NLRP7: variants seen among roughly 807,000 people sequenced by gnomAD.
The protein encoded by NLRP7 is NLR family pyrin domain containing 7.
Under a neutral mutation model 85.5 loss-of-function variants are expected in NLRP7, and 72 were observed. The observed-to-expected ratio is 0.84, with a 90% CI of 0.70 to 1.02. NLRP7 has a LOEUF of 1.02. Among genes scored for constraint, NLRP7 ranks in the 50% least tolerant of loss-of-function variants. The probability of loss-of-function intolerance (pLI) is 0.00; values close to 1 mark genes in which losing one functional copy is unlikely to be tolerated. For synonymous variants in NLRP7, 550 were observed against 505.2 expected (o/e 1.09, Z -1.19); for missense variants, 1,243 against 1,219.5 (o/e 1.02, Z -0.29).
chr19:54,953,427 A>T (rs889938773), intron 1 of NLRP7: 1 of 151,988 alleles, frequency 6.6e-6, no homozygotes, highest in Non-Finnish European at 1.5e-5. Flanking sequence ...CAGGATAGGG[A>T]TTTTCACAGT....
chr19:54,934,059 T>C lies in NLRP7; in HGVS notation c.2472-320A>G, dbSNP rs1402458254. On this transcript the variant is annotated intron_variant, in intron 7 of 9. Transcript: ENST00000340844. This position sits in a 1 kb window ranked among gnomAD's most constrained non-coding sequence, Gnocchi z 6.7. The stretch of plus-strand genomic sequence containing the variant: ...CCCAGGTTTACACCATTCTGCTGAC[T>C]CAGCCTCCTGAGTAGCTGGGACTAC... 6.6e-6 allele frequency among the ~76,000 whole-genome samples: 1 copy of C among 152,172 alleles called. No homozygotes were observed. Among genetic ancestry groups the C allele is most frequent in the Non-Finnish European group, 1.5e-5 (1 of 68,028 alleles).
intron 1 of NLRP7, among the ~76,000 whole-genome samples, chr19:54,961,603 G>A (rs1054932261): frequency 1.3e-5 from 2 of 152,062 alleles, no homozygotes; most frequent in South Asian, 2.1e-4. Flanking sequence ...TTGGGAAGCC[G>A]AGGCAGGTGG....
chr19:54,952,616 C>G (rs2069706966), intron 1 of NLRP7, among the ~76,000 whole-genome samples: 1 of 151,784 alleles, frequency 6.6e-6, no homozygotes, highest in African/African-American at 2.4e-5. Flanking sequence ...AACCCTAGAC[C>G]CAAACTTCTG....
At chr19:54,955,321 C>T (rs1033097081) in intron 1 of NLRP7, among the ~76,000 whole-genome samples, 10 of 151,820 alleles carry the variant, frequency 6.6e-5, no homozygotes, top group Admixed American at 4.6e-4. Context: ...AAGAGTGAAA[C>T]TCCGTCTCAA....
chr19:54,962,813 A>G (rs940277161), intron 1 of NLRP7, among the ~76,000 whole-genome samples: 2 of 145,048 alleles, frequency 1.4e-5, no homozygotes. Context: ...GTTAGCCAGG[A>G]TGGTCTCCAT....
At chr19:54,940,390 A>G (rs756373768) in exon 4 of NLRP7, 1 of 1,614,060 alleles carries the variant, frequency 6.2e-7, no homozygotes, top group South Asian at 1.1e-5. Context: ...GGAAATTGTC[A>G]ATGTCTCCTT....
At chr19:54,937,900 C>CAA (rs59058059) in intron 5 of NLRP7, 144 bp downstream of exon 5, 21,287 of 498,292 alleles carry the variant, frequency 0.043, 380 homozygotes, top group African/African-American at 0.17. Flanking sequence ...TCCGTCTCAC[C>CAA]AAAAAAAAAA....
At chr19:54,928,589 T>C (rs1036390064) in intron 9 of NLRP7, among the ~76,000 whole-genome samples, 29 of 152,038 alleles carry the variant, frequency 1.9e-4, no homozygotes, top group African/African-American at 7.0e-4. Flanking sequence ...CAGAGAGGCA[T>C]TGATTGGCTA....
intron 4 of NLRP7, 130 bp downstream of exon 4, chr19:54,938,758 G>T: frequency 2.0e-6 from 2 of 1,011,842 alleles, no homozygotes; most frequent in East Asian, 4.7e-5. Flanking sequence ...TAATTGCCAA[G>T]TCGTGTCTCC....
exon 4 of NLRP7, chr19:54,939,751 C>T: frequency 5.0e-6 from 8 of 1,613,694 alleles, no homozygotes; most frequent in Non-Finnish European, 5.9e-6. Context: ...CCAGCTGGAA[C>T]AGGGCCGCGT....
At chr19:54,962,264 C>T (rs2070068648) in intron 1 of NLRP7, among the ~76,000 whole-genome samples, 1 of 147,130 alleles carries the variant, frequency 6.8e-6, no homozygotes, top group Non-Finnish European at 1.5e-5. Context: ...CCCTCCATCC[C>T]TCAATTTTTT....
intron 1 of NLRP7, among the ~76,000 whole-genome samples, chr19:54,945,481 G>A (rs1178182426): frequency 1.3e-5 from 2 of 151,754 alleles, no homozygotes; most frequent in African/African-American, 4.8e-5. Flanking sequence ...TGTTGGCCAG[G>A]CTGGTCTTGA....
intron 8 of NLRP7, among the ~76,000 whole-genome samples, chr19:54,930,909 G>A (rs1222429921): frequency 6.6e-6 from 1 of 152,082 alleles, no homozygotes; most frequent in Non-Finnish European, 1.5e-5. Flanking sequence ...TGTAGTGCCA[G>A]CTACTCAGAA....
chr19:54,926,728 C>T (rs1028325182), intron 9 of NLRP7, among the ~76,000 whole-genome samples: 2 of 152,028 alleles, frequency 1.3e-5, no homozygotes, highest in Non-Finnish European at 2.9e-5. Context: ...CCAGCCTGGC[C>T]AACATGGCAA....
intron 8 of NLRP7, among the ~76,000 whole-genome samples, chr19:54,931,715 C>T (rs1457579515): frequency 1.3e-5 from 2 of 150,218 alleles, no homozygotes; most frequent in South Asian, 4.2e-4. Flanking sequence ...CCAGGTGTGG[C>T]GGCCCATGCC....
At position 54,940,231 on chromosome 19, in the gene NLRP7, T is replaced by C. The variant is rs370807866; in HGVS notation, c.588A>G (p.Thr196=). The C allele has an allele frequency of 1.7e-5, 27 of 1,614,066 alleles. No individual in the cohort carries two copies. In the African/African-American group the frequency reaches 3.5e-4, roughly 21 times the overall value. Residue 196 remains threonine, a synonymous_variant, in exon 4 of 10, where the codon ACA becomes ACG. Coordinates refer to ENST00000340844, the Ensembl canonical transcript of NLRP7. ...TGAGCGTCGGGCTGAGGTTGCAGTC[T>C]GTCCAGTCCAGCATACACTTTTTGG...
At chr19:54,927,582 A>G (rs1360574578) in intron 9 of NLRP7, 23 bp downstream of exon 10, 2 of 1,612,376 alleles carry the variant, frequency 1.2e-6, no homozygotes, top group East Asian at 2.2e-5. Context: ...AAAACAAAAC[A>G]AAACAAAACA....
At chr19:54,953,193 A>G (rs928077763) in intron 1 of NLRP7, 21 of 152,214 alleles carry the variant, frequency 1.4e-4, no homozygotes, top group African/African-American at 5.1e-4. Context: ...CCAGCCACAG[A>G]CAAAACTCCT....
intron 9 of NLRP7, among the ~76,000 whole-genome samples, chr19:54,926,988 G>A (rs1249433094): frequency 2.0e-5 from 3 of 151,784 alleles, no homozygotes; most frequent in Non-Finnish European, 4.4e-5. Flanking sequence ...TACTCAGGAG[G>A]TTGAGGCAGG....
Sources: allele counts gnomAD v4.1 joint callset (sites outside exome capture counted in the v4.1 genomes callset), GRCh38; gene constraint gnomAD v4.1.1; non-coding constraint Gnocchi (gnomAD v3.1); transcripts MANE v1.5; gene names NCBI Gene and HGNC (gene_info 2026-07-23, HGNC 2026-07-21).